Variants in CDH12 observed in about 807,000 individuals in gnomAD.
CDH12 encodes cadherin-12.
In CDH12, 41 loss-of-function variants were observed where a neutral mutation model predicts 74.1. That is an observed-to-expected ratio of 0.55 (90% CI 0.43 to 0.72). The LOEUF (loss-of-function observed/expected upper bound fraction) is 0.72. Among genes scored for constraint, CDH12 ranks in the 30% least tolerant of loss-of-function variants. The pLI is 0.00. For missense variants in CDH12, 945 were observed against 977.2 expected (o/e 0.97, Z 0.44); for synonymous variants, 399 against 355.0 (o/e 1.12, Z -1.39).
chr5:22,814,421 A>G (rs1204975355), intron 1 of CDH12, among the ~76,000 whole-genome samples: 1 of 152,224 alleles, frequency 6.6e-6, no homozygotes, highest in Non-Finnish European at 1.5e-5. Context: ...AGATAAAAAC[A>G]TTACACAAAG....
At chr5:21,893,468 T>C (rs1752983632) in intron 6 of CDH12, among the ~76,000 whole-genome samples, 1 of 152,164 alleles carries the variant, frequency 6.6e-6, no homozygotes, top group African/African-American at 2.4e-5. Context: ...ATAGAAATAT[T>C]TGTGCATCTT....
At chr5:22,407,248 T>C (rs986024657) in intron 2 of CDH12, among the ~76,000 whole-genome samples, 1 of 152,080 alleles carries the variant, frequency 6.6e-6, no homozygotes, top group Non-Finnish European at 1.5e-5. Context: ...TCTCCTATGA[T>C]TGCATATTTT....
At chr5:22,114,253 T>A (rs1744967204) in intron 4 of CDH12, among the ~76,000 whole-genome samples, 1 of 152,196 alleles carries the variant, frequency 6.6e-6, no homozygotes, top group Admixed American at 6.5e-5. Context: ...TTGGTTGGAG[T>A]GTGATTGGTA....
intron 8 of CDH12, among the ~76,000 whole-genome samples, chr5:21,823,605 A>C (rs1748489731): frequency 1.3e-5 from 2 of 152,146 alleles, no homozygotes; most frequent in Non-Finnish European, 2.9e-5. Flanking sequence ...GCCCCTTCAA[A>C]ATTGCTTAAA....
At position 22,231,255 on chromosome 5, in the gene CDH12, A is replaced by G. The variant is rs375695723; in HGVS notation, c.-332-18612T>C. Reference sequence around the variant, plus strand: ...ATAGGGATTATAACTTATAAATTAGACAAAGGATTTTGAATTAAACCACAT... The same window carrying G: ...ATAGGGATTATAACTTATAAATTAGGCAAAGGATTTTGAATTAAACCACAT... On this transcript the variant is annotated intron_variant, in intron 3 of 14. Transcript: ENST00000382254. Among the ~76,000 whole-genome samples the G allele has an allele frequency of 6.6e-5, 10 of 152,272 alleles. No individual in the cohort carries two copies. In the South Asian group the frequency reaches 2.1e-3, roughly 32 times the overall value.
chr5:21,772,624 T>A (rs1579672701), intron 11 of CDH12, among the ~76,000 whole-genome samples: 1 of 152,164 alleles, frequency 6.6e-6, no homozygotes, highest in Non-Finnish European at 1.5e-5. Context: ...TATGAACTTG[T>A]AAGTATCATC....
At chr5:22,144,567 G>T (rs976629919) in intron 4 of CDH12, among the ~76,000 whole-genome samples, 1 of 152,054 alleles carries the variant, frequency 6.6e-6, no homozygotes, top group African/African-American at 2.4e-5. Flanking sequence ...AGAAAATTGG[G>T]ATAAAAATGT....
At chr5:22,436,047 A>T (rs1048495202) in intron 2 of CDH12, among the ~76,000 whole-genome samples, 6 of 151,910 alleles carry the variant, frequency 3.9e-5, no homozygotes, top group African/African-American at 1.5e-4. Context: ...GACTAGATTA[A>T]GAAAATGTGG....
chr5:21,869,351 G>A (rs1319486873), intron 6 of CDH12, among the ~76,000 whole-genome samples: 1 of 152,164 alleles, frequency 6.6e-6, no homozygotes, highest in Admixed American at 6.5e-5. Context: ...ACCATGAACA[G>A]CTGATGTACT....
chr5:21,958,091 T>C (rs922424648), intron 6 of CDH12, among the ~76,000 whole-genome samples: 11 of 152,124 alleles, frequency 7.2e-5, no homozygotes, highest in African/African-American at 2.2e-4. Flanking sequence ...CTAATGGTTT[T>C]ATGAGGGGCT....
chr5:21,762,021 A>C (rs1197794152), intron 12 of CDH12, among the ~76,000 whole-genome samples: 1 of 152,088 alleles, frequency 6.6e-6, no homozygotes, highest in Non-Finnish European at 1.5e-5. Flanking sequence ...TATGAAACCA[A>C]CTTTCCTTCA....
intron 2 of CDH12, among the ~76,000 whole-genome samples, chr5:22,477,624 T>C (rs1412781287): frequency 2.0e-5 from 3 of 152,230 alleles, no homozygotes; most frequent in Non-Finnish European, 2.9e-5. Flanking sequence ...CTGGGTCAAA[T>C]GGTACTTCTA....
intron 4 of CDH12, among the ~76,000 whole-genome samples, chr5:22,109,206 G>A (rs2150258472): frequency 6.6e-6 from 1 of 152,222 alleles, no homozygotes; most frequent in Non-Finnish European, 1.5e-5. Flanking sequence ...CTGGCCTTTA[G>A]TTCTGAACCA....
At chr5:21,774,344 G>A (rs764184747) in intron 11 of CDH12, 2 of 152,118 alleles carry the variant, frequency 1.3e-5, no homozygotes, top group African/African-American at 4.8e-5. Flanking sequence ...TCAGGTTTTG[G>A]ACTCTTGGAC....
At chr5:22,173,974 A>G (rs1159093868) in intron 4 of CDH12, among the ~76,000 whole-genome samples, 1 of 151,936 alleles carries the variant, frequency 6.6e-6, no homozygotes, top group Non-Finnish European at 1.5e-5. Flanking sequence ...TTTTGGTTAT[A>G]CTCATAGAAT....
intron 1 of CDH12, among the ~76,000 whole-genome samples, chr5:22,602,500 T>C (rs1736899219): frequency 6.6e-6 from 1 of 152,126 alleles, no homozygotes; most frequent in South Asian, 2.1e-4. Flanking sequence ...GGTAATCTTG[T>C]CAACTATTCA....
intron 4 of CDH12, among the ~76,000 whole-genome samples, chr5:22,144,389 G>T (rs1045170718): frequency 6.6e-6 from 1 of 152,094 alleles, no homozygotes. Context: ...ATTACTGCCA[G>T]CTTAAACCAT....
intron 5 of CDH12, among the ~76,000 whole-genome samples, chr5:22,032,252 T>C (rs994219234): frequency 3.9e-5 from 6 of 152,090 alleles, no homozygotes; most frequent in African/African-American, 1.4e-4. Context: ...ATATACAGCC[T>C]ATAAGAAATT....
Position 21,804,643 on chromosome 5 carries a change from AACACACACACAC to A in CDH12, c.1003-2235_1003-2224del, listed in dbSNP as rs11281181. On this transcript the variant is annotated intron_variant, in intron 9 of 14. Transcript: ENST00000382254. Reference sequence around the variant, plus strand: ...ATAAAATCATTCTATAGTGAATTAAAACACACACACACACACACACACACACACACACACACA... The same window carrying A: ...ATAAAATCATTCTATAGTGAATTAAAACACACACACACACACACACACACA... 8.3e-3 allele frequency among the ~76,000 whole-genome samples: 963 copies of A among 115,342 alleles called. 6 individuals are homozygous for A. The highest frequency in any genetic ancestry group is 0.011 in the Non-Finnish European group (578 of 51,798). 75.7% of individuals were successfully genotyped at this position (115,342 alleles called of 152,430 possible).
Sources: allele counts gnomAD v4.1 joint callset (sites outside exome capture counted in the v4.1 genomes callset), GRCh38; gene constraint gnomAD v4.1.1; transcripts MANE v1.5; gene names NCBI Gene and HGNC (gene_info 2026-07-23, HGNC 2026-07-21).